The following RIMBP2 variants were observed in gnomAD, a reference collection of about 807,000 sequenced individuals.
RIMBP2 encodes the protein RIMS-binding protein 2.
A neutral mutation model predicts 118.6 loss-of-function variants in RIMBP2; 48 were observed. The ratio of observed to expected loss-of-function variants is 0.40; its 90% CI spans 0.32 to 0.51. RIMBP2 has a LOEUF of 0.51. Among genes scored for constraint, RIMBP2 ranks in the 20% least tolerant of loss-of-function variants. The pLI, the probability that RIMBP2 is intolerant of heterozygous loss-of-function variation, is 0.41. For missense variants in RIMBP2, 1,551 were observed against 1,768.3 expected (o/e 0.88, Z 2.20); for synonymous variants, 762 against 742.9 (o/e 1.03, Z -0.42).
chr12:130,600,112 A>T (rs1404400646), intron 2 of RIMBP2, among the ~76,000 whole-genome samples: 1 of 152,156 alleles, frequency 6.6e-6, no homozygotes, highest in Non-Finnish European at 1.5e-5. Flanking sequence ...ACACATATTG[A>T]TTGATATTTC....
At position 130,424,724 on chromosome 12, in the gene RIMBP2, G is replaced by A. The variant is rs193188313; in HGVS notation, c.2547C>T (p.His849=). ...EEDGECCGLL[H]KQGAGPSPRA... is the part of the protein sequence containing the mutation. ...TGGGGGACGGCCCTGCACCCTGCTT[G>A]TGTAGCAGCCCACAGCACTCTCCGT... The change falls in exon 16 of 23, where the codon CAC becomes CAT. Residue 849 remains histidine, a synonymous_variant. Transcript: ENST00000690449. This position sits in a 1 kb window ranked among gnomAD's most constrained non-coding sequence, Gnocchi z 9.8. 53 of 1,232,288 alleles carry A rather than the reference G, an allele frequency of 4.3e-5. No individual in the cohort carries two copies. The East Asian group carries it at 8.2e-4, about 19-fold the overall frequency. 76.3% of individuals were successfully genotyped at this position (1,232,288 alleles called of 1,614,324 possible).
At chr12:130,551,828 G>A (rs148591836) in intron 2 of RIMBP2, among the ~76,000 whole-genome samples, 28 of 152,234 alleles carry the variant, frequency 1.8e-4, no homozygotes, top group African/African-American at 6.7e-4. Context: ...TTCCACAAAG[G>A]GGCCTTCCAG....
intron 1 of RIMBP2, among the ~76,000 whole-genome samples, chr12:130,648,005 G>A (rs1415030953): frequency 1.4e-5 from 2 of 146,496 alleles, no homozygotes; most frequent in African/African-American, 2.4e-5. Context: ...ATGCACACAC[G>A]TGTGCACACA....
chr12:130,595,306 C>A (rs2059488646), intron 2 of RIMBP2, among the ~76,000 whole-genome samples: 3 of 152,170 alleles, frequency 2.0e-5, no homozygotes, highest in Non-Finnish European at 4.4e-5. Flanking sequence ...CGCCTGTAAT[C>A]CCAGCACTTT....
intron 1 of RIMBP2, among the ~76,000 whole-genome samples, chr12:130,661,284 G>A (rs1256814368): frequency 6.6e-6 from 1 of 152,166 alleles, no homozygotes; most frequent in Non-Finnish European, 1.5e-5. Flanking sequence ...TTAGCCAATC[G>A]GAGGGTATCA....
At chr12:130,438,681 G>A (rs1404320116) in intron 11 of RIMBP2, among the ~76,000 whole-genome samples, 165 bp from the exon 12 acceptor site, 1 of 151,328 alleles carries the variant, frequency 6.6e-6, no homozygotes. Flanking sequence ...GGTGAGGTGG[G>A]AGGGTGGGGC....
intron 13 of RIMBP2, among the ~76,000 whole-genome samples, chr12:130,435,389 C>CA (rs2077442119): frequency 6.6e-6 from 1 of 152,218 alleles, no homozygotes; most frequent in African/African-American, 2.4e-5. Flanking sequence ...GATGACTCCT[C>CA]ATTCCCTCCA....
intron 1 of RIMBP2, among the ~76,000 whole-genome samples, chr12:130,650,149 C>G (rs1299953134): frequency 6.6e-6 from 1 of 152,134 alleles, no homozygotes; most frequent in Admixed American, 6.5e-5. Context: ...CGGCTGCTGC[C>G]TTGCCCCCAG....
chr12:130,517,457 G>A (rs566653812), intron 3 of RIMBP2, among the ~76,000 whole-genome samples: 18 of 152,238 alleles, frequency 1.2e-4, no homozygotes, highest in South Asian at 4.1e-4. Context: ...AGTTAGATTC[G>A]GATGAAGAAA....
rs1290607608 is a variant in RIMBP2 at position 130,523,217 on chromosome 12, C to G, written c.-216-5300G>C. ...TTTCTCTGTGTTGGGGGGGGTTTCT[C>G]TGCCTCCATCTCTCTCTGTCCCCTA... On this transcript the variant is annotated intron_variant, in intron 2 of 22. Transcript: ENST00000690449. The surrounding 1 kb of genome is among the most constrained non-coding windows in gnomAD (Gnocchi z 4.4). Among the ~76,000 whole-genome samples the G allele has an allele frequency of 6.6e-6, 1 of 152,134 alleles. No individual in the cohort carries two copies. Among genetic ancestry groups the G allele is most frequent in the African/African-American group, 2.4e-5 (1 of 41,412 alleles).
intron 4 of RIMBP2, among the ~76,000 whole-genome samples, chr12:130,495,649 T>C (rs917852071): frequency 1.1e-4 from 16 of 152,226 alleles, no homozygotes; most frequent in Non-Finnish European, 2.9e-5. Flanking sequence ...GCATCTGGCA[T>C]GGTACCTGGC....
intron 1 of RIMBP2, among the ~76,000 whole-genome samples, chr12:130,641,376 C>T (rs1344543361): frequency 6.9e-6 from 1 of 145,530 alleles, no homozygotes; most frequent in African/African-American, 2.7e-5. Context: ...GCTTCACGGG[C>T]TGGATTTAGG....
At chr12:130,674,073 G>A (rs1307570128) in intron 1 of RIMBP2, among the ~76,000 whole-genome samples, 2 of 152,062 alleles carry the variant, frequency 1.3e-5, no homozygotes, top group Admixed American at 6.5e-5. Flanking sequence ...AGCCAAGATC[G>A]TGCCACTGCA....
chr12:130,438,290 C>T lies in RIMBP2; in HGVS notation c.1656+75G>A. The T allele has an allele frequency of 3.2e-6, 5 of 1,547,888 alleles. No homozygotes were observed. The South Asian group carries it at 4.7e-5, about 15-fold the overall frequency. On this transcript the variant is annotated intron_variant, in intron 12 of 22. Coordinates refer to ENST00000690449, the MANE Select transcript of RIMBP2 (RefSeq NM_001393629.1). ...GGAAGAGCAGACCCTGCCTCCTCCA[C>T]TGAGCAAATACCGGGCCGGTCCCTG...
At chr12:130,671,040 G>A (rs1304851269) in intron 1 of RIMBP2, among the ~76,000 whole-genome samples, 3 of 152,148 alleles carry the variant, frequency 2.0e-5, no homozygotes, top group Non-Finnish European at 4.4e-5. Context: ...GATGACAGAC[G>A]TGAGCCACCA....
intron 10 of RIMBP2, among the ~76,000 whole-genome samples, chr12:130,444,157 A>T (rs1442378827): frequency 2.0e-5 from 3 of 152,200 alleles, no homozygotes; most frequent in Non-Finnish European, 4.4e-5. Context: ...CTTATGTGAA[A>T]ATCAGTGGTG....
At chr12:130,451,847 T>C (rs1401645389) in intron 7 of RIMBP2, among the ~76,000 whole-genome samples, 3 of 152,188 alleles carry the variant, frequency 2.0e-5, no homozygotes, top group African/African-American at 4.8e-5. Context: ...ACAGACAGAC[T>C]CCTTTTTGCT....
chr12:130,485,499 T>G (rs2063812), intron 4 of RIMBP2, among the ~76,000 whole-genome samples: 79,186 of 152,260 alleles, frequency 0.52, 22,216 homozygotes, highest in Non-Finnish European at 0.62. Flanking sequence ...GAGAAGCAGC[T>G]TTCGACTTCC....
intron 2 of RIMBP2, among the ~76,000 whole-genome samples, chr12:130,612,332 A>G (rs1424270027): frequency 6.6e-6 from 1 of 152,126 alleles, no homozygotes; most frequent in African/African-American, 2.4e-5. Flanking sequence ...TGGCTTTTTC[A>G]TAAAGCATCA....
Sources: allele counts gnomAD v4.1 joint callset (sites outside exome capture counted in the v4.1 genomes callset), GRCh38; gene constraint gnomAD v4.1.1; non-coding constraint Gnocchi (gnomAD v3.1); transcripts MANE v1.5; gene names NCBI Gene and HGNC (gene_info 2026-07-23, HGNC 2026-07-21).